BCL9: variants seen among roughly 807,000 people sequenced by gnomAD.
The protein encoded by BCL9 is B-cell CLL/lymphoma 9 protein.
BCL9 carries 25 observed loss-of-function variants against 88.5 expected under a neutral mutation model. That is an observed-to-expected ratio of 0.28 (90% CI 0.21 to 0.39). BCL9 has a LOEUF of 0.39. Among genes scored for constraint, BCL9 ranks in the 10% least tolerant of loss-of-function variants. BCL9 has a pLI of 1.00. For missense variants in BCL9, 1,817 were observed against 1,877.8 expected (o/e 0.97, Z 0.60); for synonymous variants, 711 against 673.3 (o/e 1.06, Z -0.87).
At position 147,613,200 on chromosome 1, in the gene BCL9, G is replaced by C. The variant is rs201001730; in HGVS notation, c.370+1G>C. 6.2e-7 allele frequency: 1 copy of C among 1,614,184 alleles called. No individual in the cohort carries two copies. Among genetic ancestry groups the C allele is most frequent in the Non-Finnish European group, 8.5e-7 (1 of 1,180,008 alleles). On this transcript the variant is annotated splice_donor_variant, in intron 5 of 9. Coordinates refer to ENST00000234739, the MANE Select transcript of BCL9 (RefSeq NM_004326.4). LOFTEE classifies it high-confidence loss of function. Reference sequence around the variant, plus strand: ...CCAAACGATGACTCTGACATTAAAGGTATGTCTATAAGATCTTTGAGACTC... The same window carrying C: ...CCAAACGATGACTCTGACATTAAAGCTATGTCTATAAGATCTTTGAGACTC...
chr1:147,553,033 C>T (rs587594299), intron 1 of BCL9, among the ~76,000 whole-genome samples: 3 of 151,674 alleles, frequency 2.0e-5, no homozygotes, highest in African/African-American at 7.3e-5. Flanking sequence ...TTTTTGGAGA[C>T]AGTCCTAATT....
chr1:147,546,376 C>T (rs1654593769), intron 1 of BCL9, among the ~76,000 whole-genome samples: 1 of 151,798 alleles, frequency 6.6e-6, no homozygotes, highest in Non-Finnish European at 1.5e-5. Flanking sequence ...TAAGTTTTGC[C>T]ATCCCCCCCC....
chr1:147,553,249 AC>A (rs1300707853), intron 1 of BCL9, among the ~76,000 whole-genome samples: 2 of 152,070 alleles, frequency 1.3e-5, no homozygotes, highest in Non-Finnish European at 2.9e-5. Context: ...GTAAGGTAGA[AC>A]CTCAGCTAAG....
At chr1:147,562,537 T>C (rs1447821550) in intron 1 of BCL9, among the ~76,000 whole-genome samples, 2 of 151,642 alleles carry the variant, frequency 1.3e-5, no homozygotes, top group African/African-American at 4.8e-5. Flanking sequence ...AGTTTGAGAG[T>C]TACTGAAGTA....
rs377678396 is a variant in BCL9, at chr1:147,546,118, C to T, written c.-478+4444C>T. 7.9e-5 allele frequency among the ~76,000 whole-genome samples: 12 copies of T among 152,136 alleles called. No individual in the cohort carries two copies. The East Asian group carries it at 2.1e-3, about 27-fold the overall frequency. ...TTGGGAGGCCGAGGCGGGCGGATCACGAGGTCAGGAGATCGAGACCATCCT... is the reference window on the plus strand; with the variant it reads ...TTGGGAGGCCGAGGCGGGCGGATCATGAGGTCAGGAGATCGAGACCATCCT... On this transcript the variant is annotated intron_variant, in intron 1 of 9. Coordinates refer to ENST00000234739, the MANE Select transcript of BCL9 (RefSeq NM_004326.4).
Position 147,619,414 on chromosome 1 carries a change from C to G in BCL9, c.1259C>G (p.Pro420Arg), listed in dbSNP as rs782417579. 1 of 1,614,112 alleles carries G rather than the reference C, an allele frequency of 6.2e-7. No homozygotes were observed. The highest frequency in any genetic ancestry group is 1.1e-5 in the South Asian group (1 of 91,078). The stretch of plus-strand genomic sequence containing the variant: ...CAATCCCAAAGCCTAGGTAAGGGAC[C>G]TGGGCCCCGGACAGACGTGGGAGCT... Reference protein sequence around the residue: ...MAQSQSLGKGPGPRTDVGAPF... With the variant: ...MAQSQSLGKGRGPRTDVGAPF... Residue 420 changes from proline to arginine, a missense_variant, in exon 8 of 10, where the codon CCT becomes CGT. Transcript: ENST00000234739. The surrounding 1 kb of genome is among the most constrained non-coding windows in gnomAD (Gnocchi z 4.1).
rs587727775 is a variant in BCL9, at chr1:147,569,168, A to G, written c.-478+27494A>G. On this transcript the variant is annotated intron_variant, in intron 1 of 9. Transcript: ENST00000234739. The stretch of plus-strand genomic sequence containing the variant: ...ACAAATGGACAAAGGTGTCAAGTAG[A>G]AGAAGGGCAGCGAGGAAGAGGGAAC... Among the ~76,000 whole-genome samples the G allele has an allele frequency of 2.0e-5, 3 of 151,904 alleles. No homozygotes were observed. In the South Asian group the frequency reaches 6.2e-4, roughly 32 times the overall value.
intron 1 of BCL9, among the ~76,000 whole-genome samples, chr1:147,603,118 TAC>T (rs1657487014): frequency 6.6e-6 from 1 of 152,226 alleles, no homozygotes; most frequent in African/African-American, 2.4e-5. Context: ...TCTGTAAAAC[TAC>T]AGTCTTACTA....
At chr1:147,578,626 CT>C (rs1305052388) in intron 1 of BCL9, among the ~76,000 whole-genome samples, 1 of 152,170 alleles carries the variant, frequency 6.6e-6, no homozygotes, top group Admixed American at 6.5e-5. Context: ...TTGAATTAAA[CT>C]GAATTTCTGA....
intron 1 of BCL9, among the ~76,000 whole-genome samples, chr1:147,576,641 C>A (rs1401537649): frequency 6.6e-6 from 1 of 152,126 alleles, no homozygotes; most frequent in African/African-American, 2.4e-5. Flanking sequence ...GGTCCTGAAT[C>A]TTCCTGAGTT....
Position 147,624,203 on chromosome 1 carries a change from C to T in BCL9, c.3525C>T (p.Gly1175=). The T allele has an allele frequency of 1.2e-6, 2 of 1,609,848 alleles. No homozygotes were observed. Among genetic ancestry groups the T allele is most frequent in the Non-Finnish European group, 1.7e-6 (2 of 1,177,022 alleles). Residue 1175 remains glycine, a synonymous_variant, in exon 10 of 10, where the codon GGC becomes GGT. Coordinates refer to ENST00000234739, the MANE Select transcript of BCL9 (RefSeq NM_004326.4). This position sits in a 1 kb window ranked among gnomAD's most constrained non-coding sequence, Gnocchi z 4.4. ...FPGGMGFPGE[G]PLGRPSNLPQ... ...GAGGGATGGGTTTCCCAGGAGAAGGCCCCCTTGGCCGCCCCAGCAACCTGC... is the reference window on the plus strand; with the variant it reads ...GAGGGATGGGTTTCCCAGGAGAAGGTCCCCTTGGCCGCCCCAGCAACCTGC...
chr1:147,565,300 T>A (rs1655551745), intron 1 of BCL9, among the ~76,000 whole-genome samples: 2 of 152,204 alleles, frequency 1.3e-5, no homozygotes, highest in Admixed American at 1.3e-4. Context: ...CCCATGCAAC[T>A]CTTCAATGGA....
At chr1:147,564,280 A>G (rs1553196427) in intron 1 of BCL9, among the ~76,000 whole-genome samples, 1 of 152,032 alleles carries the variant, frequency 6.6e-6, no homozygotes, top group Non-Finnish European at 1.5e-5. Flanking sequence ...CTCATAACAG[A>G]CACAAGTAGT....
chr1:147,615,881 A>C lies in BCL9; in HGVS notation c.639A>C (p.Thr213=). 6.2e-7 allele frequency: 1 copy of C among 1,613,944 alleles called. No homozygotes were observed. The highest frequency in any genetic ancestry group is 8.5e-7 in the Non-Finnish European group (1 of 1,179,786). The change falls in exon 7 of 10, where the codon ACA becomes ACC. Residue 213 remains threonine, a synonymous_variant. Coordinates refer to ENST00000234739, the MANE Select transcript of BCL9 (RefSeq NM_004326.4). The part of the protein sequence containing the change: ...FHIQNISNNK[T]ERSTAPLNTQ... ...TCCAGAACATTTCTAACAACAAGAC[A>C]GAGAGAAGCACAGCGCCTCTGGTAT...
chr1:147,547,821 A>T lies in BCL9; in HGVS notation c.-478+6147A>T, dbSNP rs1481243558. 3.3e-5 allele frequency among the ~76,000 whole-genome samples: 5 copies of T among 152,242 alleles called. No homozygotes were observed. The East Asian group carries it at 9.6e-4, about 29-fold the overall frequency. ...AGAACCTAAGAATGTACTCTGTAGA[A>T]ATTTGTGAAGCGTTTGGTTACCGAT... On this transcript the variant is annotated intron_variant, in intron 1 of 9. Transcript: ENST00000234739.
intron 1 of BCL9, among the ~76,000 whole-genome samples, chr1:147,549,400 G>T (rs1654785395): frequency 6.6e-6 from 1 of 152,112 alleles, no homozygotes; most frequent in Non-Finnish European, 1.5e-5. Flanking sequence ...GATGATAAAT[G>T]AGTTAGTTAA....
At chr1:147,542,504 T>A (rs1654379447) in intron 1 of BCL9, among the ~76,000 whole-genome samples, 1 of 152,216 alleles carries the variant, frequency 6.6e-6, no homozygotes, top group Non-Finnish European at 1.5e-5. Flanking sequence ...CTAGAGATGC[T>A]GTGGAATCAC....
chr1:147,561,648 A>C (rs1655381640), intron 1 of BCL9, among the ~76,000 whole-genome samples: 1 of 152,256 alleles, frequency 6.6e-6, no homozygotes, highest in East Asian at 1.9e-4. Context: ...GTTTTCTGCT[A>C]GGAACTTAAT....
At chr1:147,569,484 A>AAAG (rs1655775742) in intron 1 of BCL9, among the ~76,000 whole-genome samples, 2 of 468 alleles carry the variant, frequency 4.3e-3, no homozygotes, top group South Asian at 0.5. Context: ...AAAAAAAAAA[A>AAAG]AAAAGAAAGA....
Sources: allele counts gnomAD v4.1 joint callset (sites outside exome capture counted in the v4.1 genomes callset), GRCh38; gene constraint gnomAD v4.1.1; non-coding constraint Gnocchi (gnomAD v3.1); transcripts MANE v1.5; gene names NCBI Gene and HGNC (gene_info 2026-07-23, HGNC 2026-07-21).